NDUFAF6: variants seen among roughly 807,000 people sequenced by gnomAD.
NDUFAF6 encodes NADH dehydrogenase (ubiquinone) complex I, assembly factor 6.
NDUFAF6 carries 45 observed loss-of-function variants against 40.8 expected under a neutral mutation model. That is an observed-to-expected ratio of 1.10 (90% CI 0.87 to 1.42). The LOEUF (loss-of-function observed/expected upper bound fraction) is 1.42, where lower values mean the gene tolerates loss of function less well. Among genes scored for constraint, NDUFAF6 ranks in the 40% most tolerant of loss-of-function variants. NDUFAF6 has a pLI of 0.00. For missense variants in NDUFAF6, 435 were observed against 418.5 expected, an observed-to-expected ratio of 1.04 and a Z score of -0.34; for synonymous variants, 185 against 155.9, an observed-to-expected ratio of 1.19 and a Z score of -1.39.
At chr8:94,924,373 T>C (rs989525823) in intron 1 of NDUFAF6, among the ~76,000 whole-genome samples, 1 of 152,214 alleles carries the variant, frequency 6.6e-6, no homozygotes, top group Non-Finnish European at 1.5e-5. Context: ...TCCTCAGTTT[T>C]TAAAAAAGCT....
chr8:94,900,989 T>C (rs1586586422), intron 1 of NDUFAF6, among the ~76,000 whole-genome samples: 1 of 152,216 alleles, frequency 6.6e-6, no homozygotes, highest in South Asian at 2.1e-4. Flanking sequence ...CTAATAAATG[T>C]GTCAGATAGT....
rs558833678 is a variant in NDUFAF6 at position 95,030,745 on chromosome 8, G to A, written c.198-1250G>A. On this transcript the variant is annotated intron_variant, in intron 1 of 8. Transcript: ENST00000396124. ...CCAGGAGCCTGTGTTAGTCTGTTTT[G>A]CATTGTTATAAAGGAATATCTGAGA... Among the ~76,000 whole-genome samples, 20 of 152,320 alleles carry A rather than the reference G, an allele frequency of 1.3e-4. 1 individual carries two copies. The South Asian group carries it at 4.1e-3, about 32-fold the overall frequency.
chr8:95,042,226 G>A (rs1437528628), intron 4 of NDUFAF6, among the ~76,000 whole-genome samples: 1 of 152,220 alleles, frequency 6.6e-6, no homozygotes, highest in Non-Finnish European at 1.5e-5. Flanking sequence ...AGCCAAGTCA[G>A]TGAATTGCTG....
At chr8:95,067,015 A>G (rs1443027776) in intron 9 of NDUFAF6, 3 of 152,228 alleles carry the variant, frequency 2.0e-5, no homozygotes, top group African/African-American at 7.2e-5. Flanking sequence ...ACTAATATCC[A>G]TTCAAAGAAA....
At chr8:94,973,552 CA>C (rs1378878486) in intron 1 of NDUFAF6, among the ~76,000 whole-genome samples, 1 of 151,970 alleles carries the variant, frequency 6.6e-6, no homozygotes, top group Non-Finnish European at 1.5e-5. Context: ...ACTAAACATA[CA>C]AAAAATTAGC....
chr8:94,932,078 C>CA (rs765389649), intron 1 of NDUFAF6: 13 of 1,609,940 alleles, frequency 8.1e-6, no homozygotes, highest in Middle Eastern at 1.6e-4. Flanking sequence ...ACTCTGTGCC[C>CA]GTGAGTCTTA....
At chr8:95,008,300 C>T (rs548431661) in intron 2 of NDUFAF6, among the ~76,000 whole-genome samples, 1 of 152,254 alleles carries the variant, frequency 6.6e-6, no homozygotes, top group South Asian at 2.1e-4. Context: ...TAAAGAAAAA[C>T]TCTGAATAAT....
At chr8:94,915,140 G>T (rs1047272977) in intron 1 of NDUFAF6, among the ~76,000 whole-genome samples, 4 of 150,840 alleles carry the variant, frequency 2.7e-5, no homozygotes, top group Non-Finnish European at 5.9e-5. Flanking sequence ...TTTAAGAGAT[G>T]GGGTCTCCCT....
intron 2 of NDUFAF6, among the ~76,000 whole-genome samples, chr8:94,952,484 C>A (rs371903263): frequency 5.3e-5 from 8 of 152,326 alleles, no homozygotes; most frequent in African/African-American, 1.9e-4. Context: ...TGCCAAGTGT[C>A]TGGGAAAGAC....
At chr8:95,073,230 A>T (rs1232806282) in intron 9 of NDUFAF6, 3 of 152,330 alleles carry the variant, frequency 2.0e-5, no homozygotes, top group Non-Finnish European at 4.4e-5. Context: ...CGGGTCCCCT[A>T]GGTTCTCGCC....
intron 8 of NDUFAF6, among the ~76,000 whole-genome samples, chr8:95,057,221 G>T (rs1832289538): frequency 6.6e-6 from 1 of 152,074 alleles, no homozygotes; most frequent in South Asian, 2.1e-4. Flanking sequence ...ACAATTGAAA[G>T]CCAAAAAAGA....
At chr8:94,931,609 C>CACACACACAT (rs146282014) in intron 1 of NDUFAF6, among the ~76,000 whole-genome samples, 117 of 151,680 alleles carry the variant, frequency 7.7e-4, no homozygotes, top group African/African-American at 2.3e-3. Flanking sequence ...CACACACACA[C>CACACACACAT]ATAAAATTTT....
At chr8:94,996,363 C>T (rs530893287) in intron 2 of NDUFAF6, among the ~76,000 whole-genome samples, 3 of 152,294 alleles carry the variant, frequency 2.0e-5, no homozygotes, top group East Asian at 1.9e-4. Flanking sequence ...AAATTAATCA[C>T]GTCCTCCATA....
chr8:95,013,292 A>G (rs1325832131), intron 2 of NDUFAF6, among the ~76,000 whole-genome samples: 1 of 152,026 alleles, frequency 6.6e-6, no homozygotes, highest in African/African-American at 2.4e-5. Flanking sequence ...TTTTGTAGAG[A>G]CAGGGGTCTT....
chr8:95,044,163 GC>G, intron 4 of NDUFAF6, among the ~76,000 whole-genome samples: 1 of 152,248 alleles, frequency 6.6e-6, no homozygotes, highest in South Asian at 2.1e-4. Flanking sequence ...TGTATGAAAT[GC>G]CCAGAATAGA....
At chr8:94,911,179 C>T (rs942501007) in intron 1 of NDUFAF6, among the ~76,000 whole-genome samples, 2 of 152,116 alleles carry the variant, frequency 1.3e-5, no homozygotes, top group Non-Finnish European at 2.9e-5. Context: ...ACTTTTACAG[C>T]AAGCATGTAT....
intron 2 of NDUFAF6, among the ~76,000 whole-genome samples, chr8:94,986,643 G>A (rs936251408): frequency 1.3e-5 from 2 of 152,110 alleles, no homozygotes; most frequent in African/African-American, 2.4e-5. Flanking sequence ...TGGGGTTTTC[G>A]GTTTTCTGCT....
intron 7 of NDUFAF6, among the ~76,000 whole-genome samples, chr8:95,049,626 A>G (rs575842416): frequency 6.6e-6 from 1 of 152,146 alleles, no homozygotes; most frequent in South Asian, 2.1e-4. Flanking sequence ...CCTGCATACC[A>G]CAGGGCTTTT....
intron 1 of NDUFAF6, among the ~76,000 whole-genome samples, chr8:94,931,184 CACAAG>C (rs1244130548): frequency 6.6e-6 from 1 of 152,206 alleles, no homozygotes; most frequent in East Asian, 1.9e-4. Context: ...ACAATACCTT[CACAAG>C]ACATTTCCTG....
Sources: gnomAD v4.1 joint callset for allele counts (sites outside exome capture counted in the v4.1 genomes callset) on GRCh38, gnomAD v4.1.1 for gene constraint, MANE v1.5 for transcripts, NCBI Gene and HGNC (gene_info 2026-07-23, HGNC 2026-07-21) for gene names.